FYTTD1: variants seen among roughly 807,000 people sequenced by gnomAD.
The protein encoded by FYTTD1 is forty-two-three domain containing 1, also known as UAP56-interacting factor.
In FYTTD1, 22 loss-of-function variants were observed where a neutral mutation model predicts 40.9. That is an observed-to-expected ratio of 0.54 (90% confidence interval 0.38 to 0.77). The LOEUF is 0.77. Ranked by LOEUF, FYTTD1 falls within the 30% of genes least tolerant of loss-of-function variation. FYTTD1 has a pLI of 0.00. For synonymous variants in FYTTD1, 140 were observed against 137.9 expected (o/e 1.01, Z -0.10); for missense variants, 351 against 392.2 (o/e 0.90, Z 0.89).
At chr3:197,761,511 T>C (rs1285834515) in intron 2 of FYTTD1, among the ~76,000 whole-genome samples, 2 of 151,922 alleles carry the variant, frequency 1.3e-5, no homozygotes, top group Non-Finnish European at 2.9e-5. Context: ...AGAATTGTTC[T>C]TCAGTGGTAG....
intron 1 of FYTTD1, chr3:197,750,469 G>T: frequency 1.0e-6 from 1 of 994,810 alleles, no homozygotes; most frequent in Non-Finnish European, 1.2e-6. Context: ...GCGTTATCGG[G>T]GAGCGAGGGG....
chr3:197,750,882 T>TA (rs1729009900), intron 1 of FYTTD1: 12 of 981,458 alleles, frequency 1.2e-5, no homozygotes, highest in Non-Finnish European at 1.2e-5. Flanking sequence ...GCCGATTATA[T>TA]AAAAACCGGG....
intron 2 of FYTTD1, among the ~76,000 whole-genome samples, chr3:197,761,033 CTTGTTCTTCAGTGGTAGAATGTATAGAG>C (rs1729370519): frequency 9.8e-6 from 1 of 102,068 alleles, no homozygotes; most frequent in Admixed American, 9.9e-5. Flanking sequence ...AATGTATAGA[CTTGTTCTTCAGTGGTAGAATGTATAGAG>C]TTGTTCCTCA....
At chr3:197,751,811 A>G (rs552748834) in intron 1 of FYTTD1, among the ~76,000 whole-genome samples, 1 of 152,316 alleles carries the variant, frequency 6.6e-6, no homozygotes, top group Admixed American at 6.5e-5. Context: ...GATGGAGAGC[A>G]CGGAACCCAG....
chr3:197,774,326 G>A, intron 6 of FYTTD1, 116 bp downstream of exon 6: 1 of 869,650 alleles, frequency 1.1e-6, no homozygotes, highest in East Asian at 2.6e-5. Context: ...ATAAAATTCA[G>A]TCTGAAAGCT....
At position 197,779,134 on chromosome 3, in the gene FYTTD1, A is replaced by G. The variant is rs113183408; in HGVS notation, c.858+670A>G. 3.3e-3 allele frequency among the ~76,000 whole-genome samples: 501 copies of G among 152,262 alleles called. 2 individuals carry two copies. The highest frequency in any genetic ancestry group is 0.011 in the African/African-American group (438 of 41,566). ...GTTAATAACAAAATTGTCAAAACCA[A>G]CCAGGTGCGGTGGCTCACGCCTGTA... On this transcript the variant is annotated intron_variant, in intron 8 of 8. Coordinates refer to ENST00000241502, the MANE Select transcript of FYTTD1 (RefSeq NM_032288.7).
Position 197,762,458 on chromosome 3 carries a change from G to A in FYTTD1, c.235+5901G>A, listed in dbSNP as rs185226198. On this transcript the variant is annotated intron_variant, in intron 2 of 8. Transcript: ENST00000241502. ...ATAAAAATTAGCCGGGCATGGTGGC[G>A]GGCACCTGTAGTCCCAGCTACTCGG... 2.5e-3 allele frequency among the ~76,000 whole-genome samples: 376 copies of A among 151,958 alleles called. 2 individuals are homozygous for A. Among genetic ancestry groups the A allele is most frequent in the African/African-American group, 8.2e-3 (340 of 41,456 alleles).
intron 8 of FYTTD1, among the ~76,000 whole-genome samples, chr3:197,779,806 C>G (rs1377701736): frequency 6.8e-6 from 1 of 146,958 alleles, no homozygotes; most frequent in African/African-American, 2.5e-5. Context: ...CACCACCACA[C>G]CTGGGTATGC....
chr3:197,782,065 ACGT>A lies in FYTTD1; in HGVS notation c.*157_*159del. On this transcript the variant is annotated 3_prime_UTR_variant, in exon 9 of 9. Coordinates refer to ENST00000241502, the MANE Select transcript of FYTTD1 (RefSeq NM_032288.7). ...AAGGTTTTTTTTTTTAAAAAAAAAA[ACGT>A]ATAAAATAATGCCCTGAAAGAATAA... The A allele has an allele frequency of 2.2e-6, 1 of 454,352 alleles. No homozygotes were observed. The highest frequency in any genetic ancestry group is 4.0e-6 in the Non-Finnish European group (1 of 250,098). 28.1% of individuals were successfully genotyped at this position (454,352 alleles called of 1,614,324 possible).
intron 2 of FYTTD1, among the ~76,000 whole-genome samples, chr3:197,761,276 G>A (rs1729379875): frequency 6.6e-6 from 1 of 152,028 alleles, no homozygotes; most frequent in African/African-American, 2.4e-5. Flanking sequence ...ATAGTAGAAT[G>A]TATAGAGTTG....
chr3:197,750,871 T>A, intron 1 of FYTTD1: 3 of 984,700 alleles, frequency 3.0e-6, no homozygotes, highest in Non-Finnish European at 3.6e-6. Context: ...CGTGGTTTCT[T>A]GCCGATTATA....
rs1730057300 is a variant in FYTTD1 at position 197,782,617 on chromosome 3, T to G, written c.*708T>G. 1 of 152,166 alleles carries G rather than the reference T, an allele frequency of 6.6e-6. No individual in the cohort carries two copies. The highest frequency in any genetic ancestry group is 1.5e-5 in the Non-Finnish European group (1 of 68,030). 9.4% of individuals were successfully genotyped at this position (152,166 alleles called of 1,614,324 possible). On this transcript the variant is annotated 3_prime_UTR_variant, in exon 9 of 9. Coordinates refer to ENST00000241502, the MANE Select transcript of FYTTD1 (RefSeq NM_032288.7). The stretch of plus-strand genomic sequence containing the variant: ...GGGCCTTGGAGGAGAAGGTCCAGTT[T>G]TAAAAAATGACAGTTTGTGTTTAAT...
At chr3:197,760,293 C>T (rs1416796251) in intron 2 of FYTTD1, among the ~76,000 whole-genome samples, 41 of 147,714 alleles carry the variant, frequency 2.8e-4, no homozygotes, top group African/African-American at 9.8e-4. Context: ...TGTTCTTTAG[C>T]GGTAGAATGT....
intron 7 of FYTTD1, among the ~76,000 whole-genome samples, chr3:197,777,912 G>A (rs940270016): frequency 6.6e-6 from 1 of 151,824 alleles, no homozygotes; most frequent in Non-Finnish European, 1.5e-5. Context: ...GGGTCTTGCT[G>A]TGTTCCTTAG....
intron 1 of FYTTD1, 192 bp downstream of exon 1, chr3:197,750,266 G>A (rs1283445265): frequency 1.8e-5 from 17 of 931,620 alleles, no homozygotes; most frequent in Non-Finnish European, 2.4e-5. Context: ...GCTGGACCGC[G>A]AGGGACCCGG....
At position 197,783,933 on chromosome 3, in the gene FYTTD1, G is replaced by A. The variant is rs781617480; in HGVS notation, c.*2024G>A. On this transcript the variant is annotated 3_prime_UTR_variant, in exon 9 of 9. Coordinates refer to ENST00000241502, the MANE Select transcript of FYTTD1 (RefSeq NM_032288.7). ...TTAAACTTTTATTCTTCATGCATCT[G>A]TAATTTAATTTTAAGTATAATGTTT... is the stretch of plus-strand genomic sequence containing the variant. 6 of 152,234 alleles carry A rather than the reference G, an allele frequency of 3.9e-5. No homozygotes were observed. Among genetic ancestry groups the A allele is most frequent in the African/African-American group, 7.3e-5 (3 of 41,300 alleles). The allele number at this position is 152,234 out of a possible 1,614,324, so 9.4% of individuals were successfully genotyped here. A position where few individuals can be genotyped will look rare whatever the true frequency, so the allele number is the denominator to read the frequency against.
At chr3:197,777,066 T>C in intron 7 of FYTTD1, 65 bp downstream of exon 7, 1 of 966,700 alleles carries the variant, frequency 1.0e-6, no homozygotes, top group East Asian at 2.4e-5. Context: ...TAAGAAAGTA[T>C]TGGACTTCTG....
intron 1 of FYTTD1, chr3:197,750,817 A>AG (rs1195493535): frequency 5.0e-5 from 49 of 985,334 alleles, no homozygotes; most frequent in Non-Finnish European, 5.8e-5. Flanking sequence ...CTCGCTGAGA[A>AG]GCCAGGTAAA....
In FYTTD1 at chr3:197,780,461, G is replaced by A. The variant is rs192291836; in HGVS notation, c.859-1350G>A. On this transcript the variant is annotated intron_variant, in intron 8 of 8. Transcript: ENST00000241502. ...GTCCAATGTTGAGTAGAAGTGGTAA[G>A]ATGTATACTTGTATGCATGCCTTGT... Among the ~76,000 whole-genome samples the A allele has an allele frequency of 3.3e-5, 5 of 152,246 alleles. No homozygotes were observed. In the East Asian group the frequency reaches 9.6e-4, roughly 29 times the overall value.
Sources: gnomAD v4.1 joint callset for allele counts (sites outside exome capture counted in the v4.1 genomes callset) on GRCh38, gnomAD v4.1.1 for gene constraint, MANE v1.5 for transcripts, NCBI Gene and HGNC (gene_info 2026-07-23, HGNC 2026-07-21) for gene names.